HPSE2: variants seen among roughly 807,000 people sequenced by gnomAD.
The protein encoded by HPSE2 is inactive heparanase-2.
In HPSE2, 38 loss-of-function variants were observed where a neutral mutation model predicts 60.5. The ratio of observed to expected loss-of-function variants is 0.63; its 90% confidence interval spans 0.48 to 0.82. The LOEUF (loss-of-function observed/expected upper bound fraction) is 0.82. HPSE2 is among the 40% of genes least tolerant of loss of function. The pLI is 0.00. For synonymous variants in HPSE2, 295 were observed against 293.2 expected (o/e 1.01, Z -0.06); for missense variants, 713 against 740.4 (o/e 0.96, Z 0.43).
chr10:98,611,113 G>A (rs573739110), intron 9 of HPSE2, among the ~76,000 whole-genome samples: 1 of 152,228 alleles, frequency 6.6e-6, no homozygotes, highest in East Asian at 1.9e-4. Context: ...GGGGAAGGGA[G>A]TGGGAGTCGA....
At chr10:99,239,987 G>C (rs993592145), upstream of HPSE2, among the ~76,000 whole-genome samples, 8 of 151,816 alleles carry the variant, frequency 5.3e-5, no homozygotes, top group Non-Finnish European at 5.9e-5. Flanking sequence ...TCAGGAGTTC[G>C]AGACCAGCCT....
intron 3 of HPSE2, among the ~76,000 whole-genome samples, chr10:98,780,714 G>A (rs1950446071): frequency 6.6e-6 from 1 of 152,082 alleles, no homozygotes; most frequent in African/African-American, 2.4e-5. Context: ...TCAATAGGAA[G>A]GAAGTTGTGA....
chr10:98,541,495 C>T (rs586423), intron 9 of HPSE2, among the ~76,000 whole-genome samples: 129,572 of 152,116 alleles, frequency 0.85, 56,395 homozygotes, highest in East Asian at 1. Flanking sequence ...ACACCGTGCG[C>T]GAGCCGAATC....
rs1235470131 is a variant in HPSE2 at position 98,923,263 on chromosome 10, C to T, written c.611-179207G>A. On this transcript the variant is annotated intron_variant, in intron 3 of 11. Coordinates refer to ENST00000370552, the MANE Select transcript of HPSE2 (RefSeq NM_021828.5). ...AGGTTTGCACTGAAAAGTCTGCTGC[C>T]AGACCTATTGGAGCTCCACTGTGTG... is the stretch of plus-strand genomic sequence containing the variant. Among the ~76,000 whole-genome samples the T allele has an allele frequency of 2.0e-5, 3 of 152,192 alleles. No homozygotes were observed. The South Asian group carries it at 6.2e-4, about 31-fold the overall frequency.
At chr10:98,852,759 A>G (rs563915788) in intron 3 of HPSE2, among the ~76,000 whole-genome samples, 1 of 152,342 alleles carries the variant, frequency 6.6e-6, no homozygotes, top group African/African-American at 2.4e-5. Flanking sequence ...ATAGAAGGAA[A>G]CTAGTTTGTT....
At chr10:98,682,236 T>C (rs1947805095) in intron 6 of HPSE2, among the ~76,000 whole-genome samples, 1 of 152,226 alleles carries the variant, frequency 6.6e-6, no homozygotes, top group African/African-American at 2.4e-5. Context: ...GTTTCTGCTG[T>C]CATCATGTGA....
At chr10:99,079,791 A>G (rs1843070937) in intron 3 of HPSE2, among the ~76,000 whole-genome samples, 1 of 152,108 alleles carries the variant, frequency 6.6e-6, no homozygotes, top group African/African-American at 2.4e-5. Flanking sequence ...GGCATGGGCT[A>G]TAGTGACACT....
intron 9 of HPSE2, among the ~76,000 whole-genome samples, chr10:98,572,862 G>C (rs1179809478): frequency 6.6e-6 from 1 of 152,176 alleles, no homozygotes; most frequent in Non-Finnish European, 1.5e-5. Context: ...TGAAGTGGAG[G>C]GTTCTAAGAG....
chr10:98,496,449 G>A (rs1388389218), intron 9 of HPSE2, among the ~76,000 whole-genome samples: 1 of 152,190 alleles, frequency 6.6e-6, no homozygotes, highest in African/African-American at 2.4e-5. Context: ...TGAGAGTAGA[G>A]ATCCTTGGTA....
At chr10:98,737,037 G>T (rs1589737071) in intron 4 of HPSE2, among the ~76,000 whole-genome samples, 1 of 152,126 alleles carries the variant, frequency 6.6e-6, no homozygotes, top group African/African-American at 2.4e-5. Context: ...AAAGAAGCAG[G>T]TAAAAAGACT....
chr10:99,091,040 T>C (rs1843493698), intron 3 of HPSE2, among the ~76,000 whole-genome samples: 1 of 152,134 alleles, frequency 6.6e-6, no homozygotes, highest in Non-Finnish European at 1.5e-5. Flanking sequence ...ATTTAGATTT[T>C]ACCTTAACTA....
At chr10:98,771,588 G>A (rs958102933) in intron 3 of HPSE2, among the ~76,000 whole-genome samples, 2 of 152,188 alleles carry the variant, frequency 1.3e-5, no homozygotes, top group Non-Finnish European at 2.9e-5. Context: ...ATGTAGCCAG[G>A]AGTTATGAAA....
chr10:98,871,280 T>G (rs1167826386), intron 3 of HPSE2, among the ~76,000 whole-genome samples: 2 of 152,118 alleles, frequency 1.3e-5, no homozygotes, highest in African/African-American at 4.8e-5. Flanking sequence ...TAAGGATAGA[T>G]CCTCTTGACT....
At chr10:99,088,253 G>T (rs1433331330) in intron 3 of HPSE2, among the ~76,000 whole-genome samples, 1 of 151,930 alleles carries the variant, frequency 6.6e-6, no homozygotes, top group Non-Finnish European at 1.5e-5. Flanking sequence ...GGTGGTATTT[G>T]GCTACATGAA....
chr10:98,592,663 G>C (rs1945122251), intron 9 of HPSE2, among the ~76,000 whole-genome samples: 1 of 152,064 alleles, frequency 6.6e-6, no homozygotes, highest in African/African-American at 2.4e-5. Flanking sequence ...GTTTTCTGGG[G>C]GAAATTTAAT....
intron 7 of HPSE2, among the ~76,000 whole-genome samples, chr10:98,625,304 C>A (rs927607439): frequency 6.6e-6 from 1 of 152,172 alleles, no homozygotes; most frequent in South Asian, 2.1e-4. Context: ...CATGAAAGAT[C>A]TAGAGAAGAG....
At chr10:99,240,530 C>T (rs1363414965), upstream of HPSE2, among the ~76,000 whole-genome samples, 1 of 151,794 alleles carries the variant, frequency 6.6e-6, no homozygotes. Context: ...CCTGCCTCAG[C>T]CTCCCAAGTA....
chr10:98,490,006 G>A, intron 10 of HPSE2, 45 bp downstream of exon 10: 1 of 1,611,346 alleles, frequency 6.2e-7, no homozygotes, highest in Non-Finnish European at 8.5e-7. Flanking sequence ...GGTATGGGGT[G>A]GGAGCCCCTC....
intron 3 of HPSE2, among the ~76,000 whole-genome samples, chr10:98,943,248 AT>A: frequency 6.6e-6 from 1 of 151,654 alleles, no homozygotes; most frequent in Non-Finnish European, 1.5e-5. Flanking sequence ...ACAATAAAAA[AT>A]TATAATAAAA....
Sources: allele counts gnomAD v4.1 joint callset (sites outside exome capture counted in the v4.1 genomes callset), GRCh38; gene constraint gnomAD v4.1.1; transcripts MANE v1.5; gene names NCBI Gene and HGNC (gene_info 2026-07-23, HGNC 2026-07-21).